TCF4: variants seen among roughly 807,000 people sequenced by gnomAD.
TCF4 encodes transcription factor 4.
A neutral mutation model predicts 82.1 loss-of-function variants in TCF4; 3 were observed. The observed-to-expected ratio is 0.04, with a 90% CI of 0.02 to 0.09. The LOEUF is 0.09. Ranked by LOEUF, TCF4 falls within the 10% of genes least tolerant of loss-of-function variation. TCF4 has a pLI of 1.00. For synonymous variants in TCF4, 276 were observed against 309.6 expected (o/e 0.89, Z 1.14); for missense variants, 518 against 852.7 (o/e 0.61, Z 4.89).
At chr18:55,238,894 T>C (rs1340778414) in intron 15 of TCF4, among the ~76,000 whole-genome samples, 1 of 152,196 alleles carries the variant, frequency 6.6e-6, no homozygotes, top group East Asian at 1.9e-4. Flanking sequence ...GAAGCAGACA[T>C]AGGTCATACT....
intron 10 of TCF4, among the ~76,000 whole-genome samples, chr18:55,273,439 T>C (rs2060813387): frequency 6.6e-6 from 1 of 152,154 alleles, no homozygotes; most frequent in South Asian, 2.1e-4. Context: ...GGAACTACCA[T>C]TATTTTCAAC....
intron 3 of TCF4, among the ~76,000 whole-genome samples, chr18:55,467,028 C>T (rs2096041386): frequency 6.6e-6 from 1 of 152,136 alleles, no homozygotes; most frequent in Admixed American, 6.5e-5. Context: ...GAACAGGCTT[C>T]CCCTTCCCTT....
intron 3 of TCF4, among the ~76,000 whole-genome samples, chr18:55,528,144 C>T (rs1336874354): frequency 6.6e-6 from 1 of 152,206 alleles, no homozygotes; most frequent in East Asian, 1.9e-4. Context: ...GCTATTTCTC[C>T]TACCACTGCA....
chr18:55,543,715 T>G (rs1427764782), intron 3 of TCF4, among the ~76,000 whole-genome samples: 1 of 152,178 alleles, frequency 6.6e-6, no homozygotes, highest in African/African-American at 2.4e-5. Context: ...AACTAACTGC[T>G]TTTATTCTCA....
intron 8 of TCF4, among the ~76,000 whole-genome samples, chr18:55,318,697 A>AT (rs1390409166): frequency 1.3e-5 from 2 of 152,060 alleles, no homozygotes; most frequent in African/African-American, 4.8e-5. Context: ...ACAAGGAAAA[A>AT]TTTTTTTGTG....
At chr18:55,598,057 A>G (rs1486961968) in intron 2 of TCF4, among the ~76,000 whole-genome samples, 1 of 152,194 alleles carries the variant, frequency 6.6e-6, no homozygotes, top group Non-Finnish European at 1.5e-5. Flanking sequence ...GACAAGAATA[A>G]ATCACCCAAA....
rs1189127044 is a variant in TCF4, at chr18:55,252,658, A to G, written c.1350+1839T>C. Among the ~76,000 whole-genome samples, 4 of 152,310 alleles carry G rather than the reference A, an allele frequency of 2.6e-5. No homozygotes were observed. In the East Asian group the frequency reaches 5.8e-4, roughly 22 times the overall value. ...ATATGGTATTTAAGAAAAACTTTAC[A>G]TATTTATGGAAAAAATAGTCTCTGA... On this transcript the variant is annotated intron_variant, in intron 15 of 19. Transcript: ENST00000354452.
intron 10 of TCF4, 64 bp downstream of exon 10, chr18:55,275,555 A>G: frequency 3.1e-6 from 5 of 1,610,208 alleles, no homozygotes; most frequent in Non-Finnish European, 3.4e-6. Context: ...ATGCATGGAA[A>G]GACAGAGGAC....
intron 11 of TCF4, chr18:55,269,270 G>A (rs1238122974): frequency 6.5e-6 from 1 of 153,538 alleles, no homozygotes; most frequent in Non-Finnish European, 1.5e-5. Context: ...GCCAACTGAT[G>A]CCCACGCATC....
At chr18:55,233,184 G>T (rs2048379904) in intron 16 of TCF4, among the ~76,000 whole-genome samples, 1 of 152,144 alleles carries the variant, frequency 6.6e-6, no homozygotes, top group Non-Finnish European at 1.5e-5. Flanking sequence ...ACATATGGAA[G>T]GCAGTTTGCT....
chr18:55,539,068 A>T (rs985652244), intron 3 of TCF4, among the ~76,000 whole-genome samples: 4 of 152,116 alleles, frequency 2.6e-5, no homozygotes, highest in African/African-American at 9.7e-5. Flanking sequence ...AAGCCTGGAT[A>T]AAACATGATG....
At chr18:55,603,612 C>T (rs2097699447) in intron 2 of TCF4, among the ~76,000 whole-genome samples, 1 of 152,146 alleles carries the variant, frequency 6.6e-6, no homozygotes. Context: ...GAACAGGCGA[C>T]ACAAACTCCT....
intron 3 of TCF4, among the ~76,000 whole-genome samples, chr18:55,472,628 C>T (rs1429156803): frequency 6.6e-6 from 1 of 151,922 alleles, no homozygotes; most frequent in Non-Finnish European, 1.5e-5. Flanking sequence ...GAAATGTGAC[C>T]AATCTAAAAG....
intron 8 of TCF4, among the ~76,000 whole-genome samples, chr18:55,341,370 G>C (rs528508100): frequency 1.2e-4 from 19 of 152,282 alleles, no homozygotes; most frequent in Non-Finnish European, 2.5e-4. Context: ...TGATTCAATA[G>C]ATGCAAATGA....
At chr18:55,607,255 A>G (rs183737790) in intron 2 of TCF4, among the ~76,000 whole-genome samples, 68 of 152,364 alleles carry the variant, frequency 4.5e-4, no homozygotes, top group Admixed American at 7.8e-4. Context: ...ACTTTTGATT[A>G]TCTGACAGTG....
At chr18:55,402,509 A>G (rs2093881971) in intron 6 of TCF4, among the ~76,000 whole-genome samples, 1 of 152,066 alleles carries the variant, frequency 6.6e-6, no homozygotes. Flanking sequence ...AAAAAAAAGT[A>G]CATTTTGTTT....
In TCF4 at chr18:55,387,787, G is replaced by A. The variant is rs999181598; in HGVS notation, c.369+15667C>T. On this transcript the variant is annotated intron_variant, in intron 6 of 19. Transcript: ENST00000354452. ...ATGGTAGCTTAACAAAGGGACAATCGTCTAGAAATTTCCTCAGGATGTGTT... is the reference window on the plus strand; with the variant it reads ...ATGGTAGCTTAACAAAGGGACAATCATCTAGAAATTTCCTCAGGATGTGTT... 5.9e-5 allele frequency among the ~76,000 whole-genome samples: 9 copies of A among 152,292 alleles called. No individual in the cohort carries two copies. In the East Asian group the frequency reaches 9.7e-4, roughly 16 times the overall value.
At chr18:55,275,478 A>G (rs1180031135) in intron 10 of TCF4, 141 bp downstream of exon 10, 5 of 1,100,182 alleles carry the variant, frequency 4.5e-6, no homozygotes, top group Non-Finnish European at 6.8e-6. Context: ...TTGATCACAG[A>G]AACAATACAA....
At chr18:55,596,514 G>A (rs572408683) in intron 2 of TCF4, among the ~76,000 whole-genome samples, 2 of 152,302 alleles carry the variant, frequency 1.3e-5, no homozygotes, top group South Asian at 4.1e-4. Flanking sequence ...GGATACATAT[G>A]CTTTAATGCC....
Sources: gnomAD v4.1 joint callset for allele counts (sites outside exome capture counted in the v4.1 genomes callset) on GRCh38, gnomAD v4.1.1 for gene constraint, MANE v1.5 for transcripts, NCBI Gene and HGNC (gene_info 2026-07-23, HGNC 2026-07-21) for gene names.